NIPBL: variants seen among roughly 807,000 people sequenced by gnomAD.
The protein encoded by NIPBL is nipped-B-like protein.
Under a neutral mutation model 321.8 loss-of-function variants are expected in NIPBL, and 19 were observed. The observed-to-expected ratio is 0.06, with a 90% CI of 0.04 to 0.09. The LOEUF is 0.09. Ranked by LOEUF, NIPBL falls within the 10% of genes least tolerant of loss-of-function variation. NIPBL has a pLI of 1.00. For synonymous variants in NIPBL, 1,106 were observed against 1,114.1 expected (o/e 0.99, Z 0.14); for missense variants, 2,210 against 3,327.0 (o/e 0.66, Z 8.26).
intron 1 of NIPBL, among the ~76,000 whole-genome samples, chr5:36,895,066 A>G (rs560239939): frequency 1.3e-5 from 2 of 152,310 alleles, no homozygotes; most frequent in African/African-American, 4.8e-5. Flanking sequence ...TAGTATATTC[A>G]CAAAGTTATG....
At chr5:36,947,143 C>T (rs1428000132) in intron 1 of NIPBL, among the ~76,000 whole-genome samples, 1 of 151,918 alleles carries the variant, frequency 6.6e-6, no homozygotes, top group Non-Finnish European at 1.5e-5. Context: ...AAAAATTTCC[C>T]CTACAGCATT....
Position 37,060,466 on chromosome 5 carries a change from A to T in NIPBL, c.7686-378A>T, listed in dbSNP as rs988475561. On this transcript the variant is annotated intron_variant, in intron 44 of 46. Coordinates refer to ENST00000282516, the MANE Select transcript of NIPBL (RefSeq NM_133433.4). ...GGCATGAGCCACTGCTCCTGGCCTT[A>T]TAAGGAATATCTTGATGTTAAATGT... 3.3e-5 allele frequency among the ~76,000 whole-genome samples: 5 copies of T among 152,214 alleles called. No homozygotes were observed. The East Asian group carries it at 9.6e-4, about 29-fold the overall frequency.
intron 9 of NIPBL, among the ~76,000 whole-genome samples, chr5:36,981,992 GT>G (rs1487459332): frequency 6.6e-6 from 1 of 151,660 alleles, no homozygotes; most frequent in African/African-American, 2.4e-5. Flanking sequence ...TGCTTTAAGT[GT>G]TTTCATTTAT....
At chr5:36,902,577 G>A (rs1450258208) in intron 1 of NIPBL, among the ~76,000 whole-genome samples, 1 of 152,016 alleles carries the variant, frequency 6.6e-6, no homozygotes, top group Non-Finnish European at 1.5e-5. Flanking sequence ...TTATTTCTGG[G>A]CTCTCACCTG....
chr5:36,886,562 G>A (rs372456123), intron 1 of NIPBL: 6 of 625,864 alleles, frequency 9.6e-6, no homozygotes, highest in Middle Eastern at 4.4e-4. Flanking sequence ...GGTCATTGGG[G>A]GAAAATAGGC....
At chr5:36,961,697 A>G in intron 5 of NIPBL, 114 bp downstream of exon 5, 1 of 781,826 alleles carries the variant, frequency 1.3e-6, no homozygotes, top group East Asian at 2.6e-5. Flanking sequence ...AAATAGTTGA[A>G]ATACTTAAAT....
intron 8 of NIPBL, 26 bp downstream of exon 8, chr5:36,972,067 CT>C (rs772073592): frequency 2.1e-6 from 3 of 1,461,008 alleles, no homozygotes; most frequent in Admixed American, 3.4e-5. Flanking sequence ...AAATTTCCTT[CT>C]GTATATTTTA....
At chr5:36,972,082 T>A in intron 8 of NIPBL, 41 bp downstream of exon 8, 1 of 1,332,720 alleles carries the variant, frequency 7.5e-7, no homozygotes, top group Non-Finnish European at 1.1e-6. Context: ...TATTTTATAT[T>A]TGAAGTTGAA....
chr5:37,038,870 T>C lies in NIPBL; in HGVS notation c.6108+132T>C, dbSNP rs114707745. 3,389 of 941,138 alleles carry C rather than the reference T, an allele frequency of 3.6e-3. 88 individuals are homozygous for C. In the African/African-American group the frequency reaches 0.051, roughly 14 times the overall value. The allele number at this position is 941,138 out of a possible 1,614,324, so 58.3% of individuals were successfully genotyped here. A position where few individuals can be genotyped will look rare whatever the true frequency, so the allele number is the denominator to read the frequency against. On this transcript the variant is annotated intron_variant, in intron 34 of 46. Transcript: ENST00000282516. Reference sequence around the variant, plus strand: ...CATTTACTTAGATATATGTACTATTTGTAGCAAGTGATCTATAAACATCAA... The same window carrying C: ...CATTTACTTAGATATATGTACTATTCGTAGCAAGTGATCTATAAACATCAA...
Position 36,953,705 on chromosome 5 carries a change from G to T in NIPBL, c.9G>T (p.Gly3=), listed in dbSNP as rs1161763161. 4 of 1,613,626 alleles carry T rather than the reference G, an allele frequency of 2.5e-6. No homozygotes were observed. Among genetic ancestry groups the T allele is most frequent in the African/African-American group, 2.7e-5 (2 of 74,888 alleles). The part of the protein sequence containing the change: MN[G]DMPHVPITTL... ...CATTCCAGAAATTCAGGATGAATGG[G>T]GATATGCCCCATGTCCCCATTACTA... Residue 3 remains glycine (G), a synonymous_variant, in exon 2 of 47, where the codon GGG becomes GGT. Transcript: ENST00000282516.
In NIPBL at chr5:37,003,326, G is replaced by T; in HGVS notation, c.3834G>T (p.Lys1278Asn). 1 of 1,603,088 alleles carries T rather than the reference G, an allele frequency of 6.2e-7. No individual in the cohort carries two copies. Among genetic ancestry groups the T allele is most frequent in the Non-Finnish European group, 8.5e-7 (1 of 1,170,644 alleles). ...ILEKNIQDGS[K>N]LSTLLNHNND... is the part of the protein sequence containing the mutation. ...AGAAGAATATTCAGGATGGGTCAAA[G>T]CTTTCCACTTTGTTAAATCATGTAA... The change falls in exon 16 of 47, where the codon AAG becomes AAT. Residue 1278 changes from lysine (K) to asparagine (N), a missense_variant. Coordinates refer to ENST00000282516, the MANE Select transcript of NIPBL (RefSeq NM_133433.4).
intron 1 of NIPBL, among the ~76,000 whole-genome samples, chr5:36,952,053 T>TGC (rs1554010277): frequency 0.013 from 1,463 of 112,120 alleles, 23 homozygotes; most frequent in East Asian, 0.035. Flanking sequence ...TGTGTGTGTG[T>TGC]GCGCGCGCGC....
intron 1 of NIPBL, among the ~76,000 whole-genome samples, chr5:36,878,373 T>A (rs1198191899): frequency 6.6e-6 from 1 of 152,216 alleles, no homozygotes; most frequent in Non-Finnish European, 1.5e-5. Flanking sequence ...CATGAGTAAG[T>A]TAAGTGTTTC....
At chr5:36,972,740 T>C (rs140373064) in intron 8 of NIPBL, among the ~76,000 whole-genome samples, 3 of 152,320 alleles carry the variant, frequency 2.0e-5, no homozygotes, top group Admixed American at 2.0e-4. Flanking sequence ...CCTGAATCAT[T>C]GTAACTTAAA....
At chr5:37,055,296 G>A (rs1457101528) in intron 42 of NIPBL, among the ~76,000 whole-genome samples, 1 of 149,878 alleles carries the variant, frequency 6.7e-6, no homozygotes, top group African/African-American at 2.5e-5. Flanking sequence ...GATTGGCAGT[G>A]AGCTGAGATC....
chr5:36,999,014 T>C (rs760975050), intron 11 of NIPBL, among the ~76,000 whole-genome samples: 7 of 152,178 alleles, frequency 4.6e-5, no homozygotes, highest in Non-Finnish European at 1.0e-4. Context: ...GGAAACAAAA[T>C]GACCTTTTCC....
At chr5:36,970,794 T>C in intron 6 of NIPBL, 82 bp from the exon 7 acceptor site, 11 of 1,243,790 alleles carry the variant, frequency 8.8e-6, no homozygotes, top group Non-Finnish European at 1.3e-5. Flanking sequence ...TCTATATGCT[T>C]AAAATATTTG....
At position 36,986,079 on chromosome 5, in the gene NIPBL, G is replaced by T. The variant is rs1358348066; in HGVS notation, c.2899G>T (p.Gly967Cys). The T allele has an allele frequency of 6.2e-7, 1 of 1,613,922 alleles. No homozygotes were observed. The highest frequency in any genetic ancestry group is 8.5e-7 in the Non-Finnish European group (1 of 1,179,940). The change falls in exon 10 of 47, where the codon GGC (glycine) becomes TGC (cysteine). Residue 967 changes from glycine (G) to cysteine (C), a missense_variant. By Grantham distance (159) the Gly-to-Cys change is radical (BLOSUM62 -3). Around this residue, in one of 14 missense-constraint regions of NIPBL, gnomAD observed 588 missense variants for 564.1 expected, o/e 1.04. Transcript: ENST00000282516. The stretch of plus-strand genomic sequence containing the variant: ...TCCGAAAATCAAGAGGGATAAAGAT[G>T]GCAATGTTACTCAGGAGACAAAGAA... ...VIPKIKRDKD[G>C]NVTQETKKME...
intron 1 of NIPBL, among the ~76,000 whole-genome samples, chr5:36,918,178 T>C (rs1440203502): frequency 3.9e-5 from 6 of 152,120 alleles, no homozygotes; most frequent in African/African-American, 1.2e-4. Context: ...CTTCCATTTG[T>C]TTGTATCCTC....
Sources: gnomAD v4.1 joint callset for allele counts (sites outside exome capture counted in the v4.1 genomes callset) on GRCh38, gnomAD v4.1.1 for gene constraint, gnomAD v4.1.1 regional missense constraint, MANE v1.5 for transcripts, NCBI Gene and HGNC (gene_info 2026-07-23, HGNC 2026-07-21) for gene names.